TMCO4: variants seen among roughly 807,000 people sequenced by gnomAD.
The protein encoded by TMCO4 is transmembrane and coiled-coil domain-containing protein 4.
Under a neutral mutation model 64.7 loss-of-function variants are expected in TMCO4, and 58 were observed. The ratio of observed to expected loss-of-function variants is 0.90; its 90% CI spans 0.73 to 1.12. The LOEUF is 1.12. Among genes scored for constraint, TMCO4 ranks in the 50% most tolerant of loss-of-function variants. The pLI, the probability that TMCO4 is intolerant of heterozygous loss-of-function variation, is 0.00. For missense variants in TMCO4, 780 were observed against 825.9 expected (o/e 0.94, Z 0.68); for synonymous variants, 325 against 346.1 (o/e 0.94, Z 0.68).
At chr1:19,693,126 C>T (rs1425980648) in intron 15 of TMCO4, among the ~76,000 whole-genome samples, 1 of 123,954 alleles carries the variant, frequency 8.1e-6, no homozygotes, top group Non-Finnish European at 1.6e-5. Context: ...TGAGCCGAGA[C>T]TGTGCCACTG....
chr1:19,685,710 C>CTTTTTTTTTTTTTTTTTTTTT (rs55783904), intron 15 of TMCO4, among the ~76,000 whole-genome samples: 1 of 106,616 alleles, frequency 9.4e-6, no homozygotes, highest in Non-Finnish European at 1.9e-5. Flanking sequence ...AGGCCTGTTT[C>CTTTTTTTTTTTTTTTTTTTTT]TTTTTTTTTT....
chr1:19,750,296 G>A (rs902492226), intron 7 of TMCO4: 1 of 152,138 alleles, frequency 6.6e-6, no homozygotes, highest in Non-Finnish European at 1.5e-5. Context: ...GATATACGAC[G>A]GGAACGTGCA....
intron 15 of TMCO4, among the ~76,000 whole-genome samples, chr1:19,686,733 T>C (rs574024470): frequency 6.6e-6 from 1 of 152,268 alleles, no homozygotes; most frequent in East Asian, 1.9e-4. Flanking sequence ...GTTTGGACTC[T>C]CTGAAAAGCT....
intron 15 of TMCO4, among the ~76,000 whole-genome samples, chr1:19,685,710 C>CTTCTTTT (rs2095142285): frequency 1.9e-5 from 2 of 106,616 alleles, no homozygotes; most frequent in Non-Finnish European, 3.8e-5. Context: ...AGGCCTGTTT[C>CTTCTTTT]TTTTTTTTTT....
chr1:19,719,237 A>G (rs1328487311), intron 13 of TMCO4, among the ~76,000 whole-genome samples: 1 of 152,164 alleles, frequency 6.6e-6, no homozygotes, highest in Non-Finnish European at 1.5e-5. Context: ...CTGTTGGCTA[A>G]TTATGTTTGA....
intron 12 of TMCO4, among the ~76,000 whole-genome samples, chr1:19,739,094 CTTGT>C (rs2095468302): frequency 6.6e-6 from 1 of 152,182 alleles, no homozygotes; most frequent in Admixed American, 6.5e-5. Context: ...AAATTTCTAC[CTTGT>C]TTAAGCCACT....
intron 7 of TMCO4, among the ~76,000 whole-genome samples, chr1:19,748,659 T>C (rs1415278056): frequency 6.6e-6 from 1 of 152,128 alleles, no homozygotes; most frequent in Non-Finnish European, 1.5e-5. Context: ...ACCCCATCTC[T>C]ACTAAAAACA....
At chr1:19,742,036 C>T (rs192824511) in intron 10 of TMCO4, among the ~76,000 whole-genome samples, 209 of 152,166 alleles carry the variant, frequency 1.4e-3, no homozygotes, top group African/African-American at 4.8e-3. Context: ...CTGCGCCCGG[C>T]GAAAGTGACT....
At chr1:19,714,466 C>G (rs962295256) in intron 13 of TMCO4, among the ~76,000 whole-genome samples, 1 of 152,134 alleles carries the variant, frequency 6.6e-6, no homozygotes, top group Non-Finnish European at 1.5e-5. Context: ...GACCATTCTG[C>G]TGGGCACTAA....
chr1:19,709,295 G>A lies in TMCO4; in HGVS notation c.1265-8410C>T, dbSNP rs866097527. ...ATTACTAACATCCCGGCGGGGGGGG[G>A]GGACCCTAAAAATTAATCTGCACTG... On this transcript the variant is annotated intron_variant, in intron 13 of 15. Coordinates refer to ENST00000294543, the MANE Select transcript of TMCO4 (RefSeq NM_181719.7). Among the ~76,000 whole-genome samples, 30 of 151,852 alleles carry A rather than the reference G, an allele frequency of 2.0e-4. No homozygotes were observed. The South Asian group carries it at 6.2e-3, about 32-fold the overall frequency.
intron 15 of TMCO4, among the ~76,000 whole-genome samples, chr1:19,687,543 G>T (rs549986150): frequency 6.6e-6 from 1 of 152,186 alleles, no homozygotes; most frequent in African/African-American, 2.4e-5. Flanking sequence ...TCCTACGAGT[G>T]GGGGATGGAG....
rs531431284 is a variant in TMCO4, at chr1:19,683,758, C to CTTTTTTT, written c.1501-321_1501-315dup. On this transcript the variant is annotated intron_variant, in intron 15 of 15. Coordinates refer to ENST00000294543, the MANE Select transcript of TMCO4 (RefSeq NM_181719.7). Reference sequence around the variant, plus strand: ...AGAAGCTCTCGTTCTTTGTCTGAAGCTTTTTTTTTTTTTTTTTTTTTTTTT... The same window carrying CTTTTTTT: ...AGAAGCTCTCGTTCTTTGTCTGAAGCTTTTTTTTTTTTTTTTTTTTTTTTTTTTTTTT... Among the ~76,000 whole-genome samples, 60 of 79,064 alleles carry CTTTTTTT rather than the reference C, an allele frequency of 7.6e-4. 10 individuals carry two copies. Among genetic ancestry groups the CTTTTTTT allele is most frequent in the African/African-American group, 2.9e-3 (56 of 19,548 alleles). 51.9% of individuals were successfully genotyped at this position (79,064 alleles called of 152,430 possible). A position where few individuals can be genotyped will look rare whatever the true frequency, so the allele number is the denominator to read the frequency against.
In TMCO4 at chr1:19,740,940, G is replaced by T; in HGVS notation, c.879C>A (p.Arg293=). 6.3e-7 allele frequency: 1 copy of T among 1,599,518 alleles called. No homozygotes were observed. The highest frequency in any genetic ancestry group is 1.8e-4 in the Middle Eastern group (1 of 5,682). Residue 293 remains arginine, a splice_region_variant and synonymous_variant, in exon 11 of 16, where the codon CGC becomes CGA. Transcript: ENST00000294543. The part of the protein sequence containing the change: ...VTGWLASGKY[R]TFSAPWAALA... Reference sequence around the variant, plus strand: ...GGGCAGCCCACGGGGCACTGAAGGTGCCTGGGGAGATCACAGGTAGGTGAA... The same window carrying T: ...GGGCAGCCCACGGGGCACTGAAGGTTCCTGGGGAGATCACAGGTAGGTGAA...
chr1:19,684,948 T>C (rs2095134645), intron 15 of TMCO4, among the ~76,000 whole-genome samples: 1 of 152,158 alleles, frequency 6.6e-6, no homozygotes, highest in South Asian at 2.1e-4. Flanking sequence ...GGAAATTTGG[T>C]CCTTGAAGAC....
At chr1:19,729,313 A>T (rs1470961460) in intron 13 of TMCO4, among the ~76,000 whole-genome samples, 1 of 151,618 alleles carries the variant, frequency 6.6e-6, no homozygotes, top group African/African-American at 2.4e-5. Context: ...ACGCCTGGCT[A>T]ATTTTTGTAT....
At chr1:19,726,643 T>C (rs1380797707) in intron 13 of TMCO4, among the ~76,000 whole-genome samples, 2 of 152,154 alleles carry the variant, frequency 1.3e-5, no homozygotes, top group East Asian at 3.9e-4. Flanking sequence ...GTGAAGTGTT[T>C]AACTGTGCCT....
At position 19,747,238 on chromosome 1, in the gene TMCO4, T is replaced by C. The variant is rs1413679836; in HGVS notation, c.538A>G (p.Lys180Glu). ...TTCCATTTCCTCCGGTTTTCTTTCT[T>C]CTTTCGGGATGCCTCGGCCATTCTG... ...ESEMAEASRKKKENRRKWKRY... is the reference protein window; with the variant it reads ...ESEMAEASRKEKENRRKWKRY... Residue 180 changes from lysine to glutamate, a missense_variant, in exon 8 of 16, where the codon AAG (lysine) becomes GAG (glutamate). Coordinates refer to ENST00000294543, the MANE Select transcript of TMCO4 (RefSeq NM_181719.7). 1 of 1,613,866 alleles carries C rather than the reference T, an allele frequency of 6.2e-7. No homozygotes were observed. Among genetic ancestry groups the C allele is most frequent in the East Asian group, 2.2e-5 (1 of 44,872 alleles).
chr1:19,781,871 C>A (rs2043504415), intron 3 of TMCO4, among the ~76,000 whole-genome samples: 1 of 152,206 alleles, frequency 6.6e-6, no homozygotes, highest in South Asian at 2.1e-4. Flanking sequence ...TGGTCTCCAT[C>A]TCCTGACCTC....
At chr1:19,751,028 T>C (rs535475617) in intron 7 of TMCO4, among the ~76,000 whole-genome samples, 29 of 152,322 alleles carry the variant, frequency 1.9e-4, no homozygotes, top group Admixed American at 3.3e-4. Context: ...TCTGTATCGT[T>C]AACAAGTTCC....
Sources: gnomAD v4.1 joint callset for allele counts (sites outside exome capture counted in the v4.1 genomes callset) on GRCh38, gnomAD v4.1.1 for gene constraint, MANE v1.5 for transcripts, NCBI Gene and HGNC (gene_info 2026-07-23, HGNC 2026-07-21) for gene names.